Variants in SBF2 observed in about 807,000 individuals in gnomAD.
SBF2 encodes the protein SET binding factor 2.
Under a neutral mutation model 225.2 loss-of-function variants are expected in SBF2, and 112 were observed. The ratio of observed to expected loss-of-function variants is 0.50; its 90% confidence interval spans 0.43 to 0.58. The LOEUF (loss-of-function observed/expected upper bound fraction) is 0.58. Among genes scored for constraint, SBF2 ranks in the 20% least tolerant of loss-of-function variants. The probability of loss-of-function intolerance (pLI) is 0.00; values close to 1 mark genes in which losing one functional copy is unlikely to be tolerated. For synonymous variants in SBF2, 763 were observed against 773.3 expected, an observed-to-expected ratio of 0.99 and a Z score of 0.22; for missense variants, 1,996 against 2,206.2, an observed-to-expected ratio of 0.90 and a Z score of 1.91.
At chr11:9,973,558 A>G (rs7131445) in intron 13 of SBF2, among the ~76,000 whole-genome samples, 30,760 of 152,194 alleles carry the variant, frequency 0.2, 3,989 homozygotes, top group Non-Finnish European at 0.3. Flanking sequence ...AATGGTCTCT[A>G]TAATCCTGCT....
intron 16 of SBF2, among the ~76,000 whole-genome samples, chr11:9,924,291 C>T (rs932175071): frequency 2.0e-5 from 3 of 152,162 alleles, no homozygotes; most frequent in Admixed American, 6.5e-5. Context: ...AGATATTTGA[C>T]ACTTTATTAT....
chr11:9,877,892 A>C (rs1029489999), intron 17 of SBF2, among the ~76,000 whole-genome samples: 1 of 152,170 alleles, frequency 6.6e-6, no homozygotes, highest in Non-Finnish European at 1.5e-5. Flanking sequence ...CATGATTTAT[A>C]ATCCTTTGGG....
At chr11:9,898,207 A>G (rs1215287651) in intron 16 of SBF2, among the ~76,000 whole-genome samples, 1 of 152,218 alleles carries the variant, frequency 6.6e-6, no homozygotes, top group African/African-American at 2.4e-5. Context: ...CTTTCTTTCA[A>G]GAGCTTAGCC....
Position 9,781,544 on chromosome 11 carries a change from C to T in SBF2, c.5414G>A (p.Gly1805Glu). 1 of 1,614,236 alleles carries T rather than the reference C, an allele frequency of 6.2e-7. No individual in the cohort carries two copies. The highest frequency in any genetic ancestry group is 1.3e-5 in the African/African-American group (1 of 75,066). ...EMVIPAGPSM[G>E]APKHTSDKAF... ...CTTGTCACTTGTGTGCTTTGGGGCT[C>T]CCATGCTGGGGCCAGCAGGGATGAC... The change falls in exon 39 of 40, where the codon GGA becomes GAA. Residue 1805 changes from glycine (G) to glutamate (E), a missense_variant. Gly to Glu is a moderately conservative substitution (Grantham distance 98). Coordinates refer to ENST00000256190, the MANE Select transcript of SBF2 (RefSeq NM_030962.4).
At chr11:10,061,904 A>T (rs1176927331) in intron 2 of SBF2, among the ~76,000 whole-genome samples, 1 of 152,212 alleles carries the variant, frequency 6.6e-6, no homozygotes. Flanking sequence ...CAGCAAAAAG[A>T]GCAAAGCTGG....
At chr11:9,983,195 GC>G (rs1288626261) in intron 13 of SBF2, among the ~76,000 whole-genome samples, 1 of 152,188 alleles carries the variant, frequency 6.6e-6, no homozygotes, top group Non-Finnish European at 1.5e-5. Flanking sequence ...CCGTCTGGCA[GC>G]CCGTCTTGCC....
chr11:9,835,669 C>G (rs1001189792), intron 26 of SBF2, among the ~76,000 whole-genome samples: 1 of 128,738 alleles, frequency 7.8e-6, no homozygotes, highest in East Asian at 2.0e-4. Flanking sequence ...TCCTGACTAA[C>G]AATGTGGATG....
At chr11:9,969,976 T>C (rs182733214) in intron 13 of SBF2, among the ~76,000 whole-genome samples, 2 of 152,148 alleles carry the variant, frequency 1.3e-5, no homozygotes, top group Non-Finnish European at 2.9e-5. Flanking sequence ...AATATTTTTG[T>C]AGACTCTTTG....
intron 1 of SBF2, among the ~76,000 whole-genome samples, chr11:10,196,866 A>ATATATATATATATTTTTTTTTTTTTTT: frequency 1.0e-5 from 1 of 99,312 alleles, no homozygotes; most frequent in African/African-American, 4.0e-5. Context: ...ATATATATAT[A>ATATATATATATATTTTTTTTTTTTTTT]TTTTTTTTTT....
chr11:10,294,213 G>A lies in SBF2; in HGVS notation c.-144C>T. On this transcript the variant is annotated 5_prime_UTR_variant, in exon 1 of 40. Transcript: ENST00000256190. ...TTCAGCCATGTTTGACAACCGAGGC[G>A]CGCTCTGCGCTTGCGCGGCGCCTAG... The A allele has an allele frequency of 1.8e-6, 1 of 560,046 alleles. No homozygotes were observed. The highest frequency in any genetic ancestry group is 2.6e-6 in the Non-Finnish European group (1 of 377,456). The allele number at this position is 560,046 out of a possible 1,614,324, so 34.7% of individuals were successfully genotyped here.
chr11:10,090,484 G>A (rs578179788), intron 2 of SBF2, among the ~76,000 whole-genome samples: 1 of 152,032 alleles, frequency 6.6e-6, no homozygotes, highest in Non-Finnish European at 1.5e-5. Context: ...ACTATTAGAC[G>A]CTGGGCGCAG....
intron 16 of SBF2, among the ~76,000 whole-genome samples, chr11:9,907,991 G>C (rs1456530824): frequency 6.6e-6 from 1 of 152,186 alleles, no homozygotes; most frequent in Non-Finnish European, 1.5e-5. Context: ...TCTTACTCCA[G>C]TATTTGTGCT....
intron 17 of SBF2, among the ~76,000 whole-genome samples, chr11:9,877,560 C>T (rs528082852): frequency 2.0e-5 from 3 of 152,134 alleles, no homozygotes; most frequent in South Asian, 2.1e-4. Flanking sequence ...CCCAACCCCC[C>T]GACAGGCCCC....
intron 6 of SBF2, among the ~76,000 whole-genome samples, chr11:10,023,276 T>G (rs1462551514): frequency 6.6e-6 from 1 of 152,220 alleles, no homozygotes; most frequent in South Asian, 2.1e-4. Flanking sequence ...CTGCAATTAT[T>G]GTAATTTTTG....
intron 2 of SBF2, among the ~76,000 whole-genome samples, chr11:10,159,347 T>C (rs1424777460): frequency 1.3e-5 from 2 of 152,242 alleles, no homozygotes; most frequent in Non-Finnish European, 2.9e-5. Flanking sequence ...GAAATTATGG[T>C]TTAGGAGTCA....
At chr11:9,866,027 T>C (rs1179979131) in intron 17 of SBF2, among the ~76,000 whole-genome samples, 2 of 152,222 alleles carry the variant, frequency 1.3e-5, no homozygotes, top group Admixed American at 6.5e-5. Flanking sequence ...TACCATTTAG[T>C]AGGGCCTGGA....
intron 14 of SBF2, among the ~76,000 whole-genome samples, chr11:9,964,618 G>A (rs913970936): frequency 1.3e-5 from 2 of 152,068 alleles, no homozygotes; most frequent in South Asian, 2.1e-4. Context: ...AAAGAGAAAC[G>A]ATCATGATCA....
At chr11:9,877,294 C>T (rs1859336895) in intron 17 of SBF2, among the ~76,000 whole-genome samples, 1 of 152,022 alleles carries the variant, frequency 6.6e-6, no homozygotes, top group South Asian at 2.1e-4. Flanking sequence ...GAAGTAAGTT[C>T]CTGTGTTGTT....
chr11:9,928,781 C>T (rs1196968527), intron 16 of SBF2: 6 of 187,062 alleles, frequency 3.2e-5, no homozygotes, highest in South Asian at 2.1e-4. Context: ...TACTGGAATA[C>T]GTTCTTAAAT....
Sources: allele counts gnomAD v4.1 joint callset (sites outside exome capture counted in the v4.1 genomes callset), GRCh38; gene constraint gnomAD v4.1.1; transcripts MANE v1.5; gene names NCBI Gene and HGNC (gene_info 2026-07-23, HGNC 2026-07-21).